The following SNX29 variants were observed in gnomAD, a reference collection of about 807,000 sequenced individuals.
SNX29 encodes sorting nexin 29.
Under a neutral mutation model 102.1 loss-of-function variants are expected in SNX29, and 78 were observed. The observed-to-expected ratio is 0.76, with a 90% CI of 0.64 to 0.92. The LOEUF is 0.92. Among genes scored for constraint, SNX29 ranks in the 40% least tolerant of loss-of-function variants. The pLI, the probability that SNX29 is intolerant of heterozygous loss-of-function variation, is 0.00. For missense variants in SNX29, 1,280 were observed against 1,061.7 expected, an observed-to-expected ratio of 1.21 and a Z score of -2.86; for synonymous variants, 580 against 414.5, an observed-to-expected ratio of 1.40 and a Z score of -4.85.
chr16:12,210,146 C>G (rs2077145150), intron 14 of SNX29, among the ~76,000 whole-genome samples: 6 of 152,278 alleles, frequency 3.9e-5, no homozygotes, highest in Admixed American at 3.9e-4. Context: ...ACGTCGGCTA[C>G]TTTCCAGGCA....
rs374836505 is a variant in SNX29 at position 12,539,187 on chromosome 16, C to T, written c.2318+14346C>T. On this transcript the variant is annotated intron_variant, in intron 20 of 20. Transcript: ENST00000566228. ...TCATGTCTGTGAATTTAAACACATG[C>T]ATAGATTTGAGTAACCACCATCACC... 3.5e-4 allele frequency among the ~76,000 whole-genome samples: 54 copies of T among 152,310 alleles called. 1 individual carries two copies. Among genetic ancestry groups the T allele is most frequent in the African/African-American group, 1.1e-3 (44 of 41,556 alleles).
chr16:12,214,875 T>C (rs563239569), intron 14 of SNX29, among the ~76,000 whole-genome samples: 5 of 152,320 alleles, frequency 3.3e-5, no homozygotes, highest in East Asian at 1.9e-4. Flanking sequence ...TTTTATACTT[T>C]AAAAATGTAA....
intron 13 of SNX29, among the ~76,000 whole-genome samples, chr16:12,147,396 G>A (rs1364223652): frequency 2.6e-5 from 4 of 152,152 alleles, no homozygotes; most frequent in Admixed American, 1.3e-4. Context: ...AAAAGGTTAC[G>A]GTAATTATTC....
chr16:12,149,630 A>G (rs2055214814), intron 13 of SNX29, among the ~76,000 whole-genome samples: 1 of 152,180 alleles, frequency 6.6e-6, no homozygotes, highest in Non-Finnish European at 1.5e-5. Flanking sequence ...ACCTTGGGCA[A>G]GTTACTGTAC....
At chr16:12,032,200 CTTCTTT>C (rs2057364408) in intron 4 of SNX29, among the ~76,000 whole-genome samples, 1 of 141,340 alleles carries the variant, frequency 7.1e-6, no homozygotes, top group South Asian at 2.2e-4. Flanking sequence ...TCTTCTTCTT[CTTCTTT>C]TTTTTTTTTT....
intron 20 of SNX29, chr16:12,527,439 C>T (rs542418285): frequency 3.3e-4 from 143 of 432,298 alleles, no homozygotes; most frequent in African/African-American, 2.6e-3. Flanking sequence ...GACAGATTTT[C>T]TCCTTGGTTC....
chr16:12,302,415 A>T (rs1055078391), intron 15 of SNX29, among the ~76,000 whole-genome samples: 1 of 152,272 alleles, frequency 6.6e-6, no homozygotes, highest in Non-Finnish European at 1.5e-5. Flanking sequence ...ACAAAATACC[A>T]TAAACTGAGA....
Position 12,570,841 on chromosome 16 carries a change from A to G in SNX29, c.*2212A>G, listed in dbSNP as rs12927563. 47,847 of 231,634 alleles carry G rather than the reference A, an allele frequency of 0.21. 5,966 individuals carry two copies. Among genetic ancestry groups the G allele is most frequent in the East Asian group, 0.43 (7,074 of 16,332 alleles). 14.3% of individuals were successfully genotyped at this position (231,634 alleles called of 1,614,324 possible). On this transcript the variant is annotated 3_prime_UTR_variant, in exon 21 of 21. Coordinates refer to ENST00000566228, the MANE Select transcript of SNX29 (RefSeq NM_032167.5). ...AGAAACAAGTATGCTCTCAGCTGGT[A>G]TTGAACTGGTGGGAGAAACTGCCTC...
chr16:12,271,493 T>C (rs1220461976), intron 14 of SNX29, among the ~76,000 whole-genome samples: 2 of 152,126 alleles, frequency 1.3e-5, no homozygotes, highest in Non-Finnish European at 2.9e-5. Flanking sequence ...TGGAGGTGAG[T>C]CAATAAACAT....
chr16:12,468,314 A>G (rs2087166574), intron 18 of SNX29, among the ~76,000 whole-genome samples: 2 of 150,492 alleles, frequency 1.3e-5, no homozygotes, highest in South Asian at 2.1e-4. Flanking sequence ...ACCTGGGATT[A>G]TAGGCACCCG....
intron 20 of SNX29, among the ~76,000 whole-genome samples, chr16:12,540,327 C>T (rs1007812272): frequency 5.3e-5 from 8 of 152,112 alleles, no homozygotes; most frequent in Non-Finnish European, 1.5e-5. Context: ...GACCACAGCT[C>T]TTATGATTAA....
intron 15 of SNX29, among the ~76,000 whole-genome samples, chr16:12,341,315 T>C (rs539978104): frequency 3.3e-5 from 5 of 152,224 alleles, no homozygotes; most frequent in African/African-American, 7.2e-5. Flanking sequence ...ACCAGTTTCT[T>C]CTTGGGTAAA....
chr16:12,467,637 TTCATTCATTCATTCATTCCATTCAC>T (rs1046052637), intron 18 of SNX29, among the ~76,000 whole-genome samples: 4 of 135,446 alleles, frequency 3.0e-5, no homozygotes, highest in Non-Finnish European at 6.0e-5. Context: ...CGTTCGTTCG[TTCATTCATTCATTCATTCCATTCAC>T]TCATTCATTC....
intron 13 of SNX29, among the ~76,000 whole-genome samples, chr16:12,139,628 T>C (rs1028836659): frequency 2.0e-5 from 3 of 152,190 alleles, no homozygotes; most frequent in Non-Finnish European, 2.9e-5. Context: ...TGCCCCAAGA[T>C]GTATTTTTAG....
intron 14 of SNX29, among the ~76,000 whole-genome samples, chr16:12,276,377 T>C (rs1435723860): frequency 6.6e-6 from 1 of 152,230 alleles, no homozygotes; most frequent in South Asian, 2.1e-4. Flanking sequence ...TGTTTCCTGC[T>C]GTCACTCAGG....
At chr16:12,263,963 T>C (rs1348247698) in intron 14 of SNX29, among the ~76,000 whole-genome samples, 1 of 152,240 alleles carries the variant, frequency 6.6e-6, no homozygotes, top group Non-Finnish European at 1.5e-5. Flanking sequence ...ATGACTTCAA[T>C]GACCTCCACC....
intron 3 of SNX29, among the ~76,000 whole-genome samples, chr16:12,019,254 C>T (rs952665748): frequency 4.6e-5 from 7 of 152,174 alleles, no homozygotes; most frequent in African/African-American, 1.7e-4. Flanking sequence ...GTCACCCAGG[C>T]TGGAGTGCAG....
intron 14 of SNX29, among the ~76,000 whole-genome samples, chr16:12,232,676 A>T (rs1567338771): frequency 6.6e-6 from 1 of 152,220 alleles, no homozygotes; most frequent in Non-Finnish European, 1.5e-5. Flanking sequence ...CCCAAAGCCA[A>T]CAAGGACCCT....
intron 15 of SNX29, among the ~76,000 whole-genome samples, chr16:12,323,487 A>T (rs185583482): frequency 1.3e-5 from 2 of 151,578 alleles, no homozygotes; most frequent in African/African-American, 4.9e-5. Context: ...GTTAGTGTCT[A>T]GTCAGCCACT....
Sources: gnomAD v4.1 joint callset for allele counts (sites outside exome capture counted in the v4.1 genomes callset) on GRCh38, gnomAD v4.1.1 for gene constraint, MANE v1.5 for transcripts, NCBI Gene and HGNC (gene_info 2026-07-23, HGNC 2026-07-21) for gene names.